Variants in ADGRB3 observed in about 807,000 individuals in gnomAD.
ADGRB3 encodes adhesion G protein-coupled receptor B3, also known as brain-specific angiogenesis inhibitor 3.
Under a neutral mutation model 193.4 loss-of-function variants are expected in ADGRB3, and 37 were observed. The ratio of observed to expected loss-of-function variants is 0.19; its 90% CI spans 0.15 to 0.25. The LOEUF (loss-of-function observed/expected upper bound fraction) is 0.25. ADGRB3 is among the 10% of genes least tolerant of loss of function. The pLI is 1.00. For missense variants in ADGRB3, 1,637 were observed against 1,852.9 expected, an observed-to-expected ratio of 0.88 and a Z score of 2.14; for synonymous variants, 690 against 644.2, an observed-to-expected ratio of 1.07 and a Z score of -1.08.
rs570842227 is a variant in ADGRB3 at position 68,909,343 on chromosome 6, G to A, written c.758-21216G>A. 5.3e-5 allele frequency among the ~76,000 whole-genome samples: 8 copies of A among 152,196 alleles called. No individual in the cohort carries two copies. In the East Asian group the frequency reaches 5.8e-4, roughly 11 times the overall value. ...CCTGTGTGTATTTACTTTTAGTATC[G>A]TAGGACAAACAACATTGCTTTTAAC... On this transcript the variant is annotated intron_variant, in intron 3 of 31. Coordinates refer to ENST00000370598, the MANE Select transcript of ADGRB3 (RefSeq NM_001704.3).
At chr6:68,936,768 G>A (rs1403515808) in intron 5 of ADGRB3, 88 bp downstream of exon 5, 10 of 1,373,930 alleles carry the variant, frequency 7.3e-6, no homozygotes, top group East Asian at 2.5e-5. Flanking sequence ...CATATGAAAC[G>A]GGTATAGGCA....
intron 6 of ADGRB3, among the ~76,000 whole-genome samples, chr6:68,950,459 T>C (rs1273715589): frequency 6.6e-6 from 1 of 152,152 alleles, no homozygotes; most frequent in Non-Finnish European, 1.5e-5. Context: ...TCAATTAAAT[T>C]TGAGAAGTAA....
chr6:69,078,903 C>T (rs898607949), intron 17 of ADGRB3, among the ~76,000 whole-genome samples: 9 of 152,114 alleles, frequency 5.9e-5, no homozygotes, highest in African/African-American at 2.2e-4. Flanking sequence ...AAGATACATT[C>T]GATAAATATT....
At chr6:68,836,542 C>T (rs533668267) in intron 3 of ADGRB3, among the ~76,000 whole-genome samples, 22 of 152,152 alleles carry the variant, frequency 1.4e-4, no homozygotes, top group Non-Finnish European at 3.1e-4. Context: ...ACATTACATT[C>T]AAATGTGGTC....
intron 17 of ADGRB3, among the ~76,000 whole-genome samples, chr6:69,232,121 T>G (rs1766153111): frequency 6.6e-6 from 1 of 152,222 alleles, no homozygotes; most frequent in South Asian, 2.1e-4. Flanking sequence ...TTAACACAGA[T>G]AGTAACTTGG....
chr6:68,813,318 A>C (rs1367736179), intron 3 of ADGRB3, among the ~76,000 whole-genome samples: 1 of 152,100 alleles, frequency 6.6e-6, no homozygotes, highest in African/African-American at 2.4e-5. Context: ...AGTCTCAGGT[A>C]TGTCTTTATC....
chr6:68,977,001 TATA>T (rs1458706048), intron 10 of ADGRB3, among the ~76,000 whole-genome samples: 4 of 149,212 alleles, frequency 2.7e-5, no homozygotes, highest in South Asian at 2.1e-4. Context: ...TTATATATCA[TATA>T]ATATGCATTA....
chr6:68,722,503 G>A (rs1292037312), intron 3 of ADGRB3, among the ~76,000 whole-genome samples: 1 of 151,406 alleles, frequency 6.6e-6, no homozygotes, highest in Non-Finnish European at 1.5e-5. Context: ...TGATCTTGAG[G>A]TATATATTTG....
intron 10 of ADGRB3, among the ~76,000 whole-genome samples, 159 bp downstream of exon 10, chr6:68,975,499 G>A (rs1331423090): frequency 2.0e-5 from 3 of 152,140 alleles, no homozygotes; most frequent in Admixed American, 2.0e-4. Context: ...ATTTTTATAG[G>A]TCAGTGCTAA....
chr6:68,705,596 T>C (rs1373424132), intron 3 of ADGRB3, among the ~76,000 whole-genome samples: 1 of 152,138 alleles, frequency 6.6e-6, no homozygotes, highest in Non-Finnish European at 1.5e-5. Context: ...GATGGACATG[T>C]GAAGGGTTTA....
At chr6:69,277,991 A>G (rs1351581267) in intron 20 of ADGRB3, among the ~76,000 whole-genome samples, 1 of 152,236 alleles carries the variant, frequency 6.6e-6, no homozygotes, top group Non-Finnish European at 1.5e-5. Flanking sequence ...CTATACCGTG[A>G]ATAGTGTTCT....
chr6:68,635,433 C>T lies in ADGRB3; in HGVS notation c.-755C>T, dbSNP rs1767922120. 6.6e-6 allele frequency: 1 copy of T among 152,246 alleles called. No homozygotes were observed. Among genetic ancestry groups the T allele is most frequent in the Non-Finnish European group, 1.5e-5 (1 of 68,222 alleles). 9.4% of individuals were successfully genotyped at this position (152,246 alleles called of 1,614,324 possible). A position where few individuals can be genotyped will look rare whatever the true frequency, so the allele number is the denominator to read the frequency against. The stretch of plus-strand genomic sequence containing the variant: ...CTTAGTCGCCGTCCGTCCATCAGTA[C>T]CTGCAGGGGGGAGGAGGAGGAGGGA... On this transcript the variant is annotated 5_prime_UTR_variant, in exon 1 of 32. Transcript: ENST00000370598.
chr6:68,655,659 G>T (rs1360796108), intron 3 of ADGRB3, among the ~76,000 whole-genome samples: 3 of 151,552 alleles, frequency 2.0e-5, no homozygotes, highest in Admixed American at 6.6e-5. Context: ...TCTAAGTTAA[G>T]ACATGTCTAT....
At chr6:68,924,095 G>A (rs905103859) in intron 3 of ADGRB3, among the ~76,000 whole-genome samples, 2 of 152,184 alleles carry the variant, frequency 1.3e-5, no homozygotes, top group Non-Finnish European at 2.9e-5. Context: ...TGTCGTTTAT[G>A]TGCTTCTCAT....
chr6:68,908,122 A>T (rs1236460925), intron 3 of ADGRB3, among the ~76,000 whole-genome samples: 1 of 152,016 alleles, frequency 6.6e-6, no homozygotes, highest in Non-Finnish European at 1.5e-5. Context: ...TTATTTAATT[A>T]ACTATTGCTG....
At chr6:68,675,601 A>T (rs1316592017) in intron 3 of ADGRB3, among the ~76,000 whole-genome samples, 2 of 152,202 alleles carry the variant, frequency 1.3e-5, no homozygotes, top group East Asian at 3.9e-4. Flanking sequence ...AATCAAGTAG[A>T]AGCAAGATTT....
At chr6:68,646,575 A>G (rs1002802471) in intron 3 of ADGRB3, among the ~76,000 whole-genome samples, 1 of 151,788 alleles carries the variant, frequency 6.6e-6, no homozygotes, top group Non-Finnish European at 1.5e-5. Context: ...CTGAATTTTC[A>G]TACTACTTCA....
At chr6:69,259,711 A>AG (rs1158412367) in intron 20 of ADGRB3, among the ~76,000 whole-genome samples, 5 of 151,864 alleles carry the variant, frequency 3.3e-5, no homozygotes, top group South Asian at 2.1e-4. Flanking sequence ...AAAAAAAAAA[A>AG]AAAAAAATTC....
chr6:69,274,431 C>T (rs556166799), intron 20 of ADGRB3, among the ~76,000 whole-genome samples: 2 of 121,388 alleles, frequency 1.6e-5, no homozygotes, highest in South Asian at 4.8e-4. Flanking sequence ...TTGTCTCTCA[C>T]ATTGGTGGTT....
Sources: gnomAD v4.1 joint callset for allele counts (sites outside exome capture counted in the v4.1 genomes callset) on GRCh38, gnomAD v4.1.1 for gene constraint, MANE v1.5 for transcripts, NCBI Gene and HGNC (gene_info 2026-07-23, HGNC 2026-07-21) for gene names.